Variants in CTNNA2 observed in about 807,000 individuals in gnomAD.
CTNNA2 encodes catenin alpha-2.
Under a neutral mutation model 101.0 loss-of-function variants are expected in CTNNA2, and 42 were observed. The observed-to-expected ratio is 0.42, with a 90% CI of 0.32 to 0.54. CTNNA2 has a LOEUF of 0.54. Ranked by LOEUF, CTNNA2 falls within the 20% of genes least tolerant of loss-of-function variation. The pLI, the probability that CTNNA2 is intolerant of heterozygous loss-of-function variation, is 0.14. For missense variants in CTNNA2, 871 were observed against 1,223.1 expected, an observed-to-expected ratio of 0.71 and a Z score of 4.29; for synonymous variants, 450 against 456.4, an observed-to-expected ratio of 0.99 and a Z score of 0.18.
chr2:80,380,157 C>T (rs1676371558), intron 7 of CTNNA2, among the ~76,000 whole-genome samples: 1 of 151,770 alleles, frequency 6.6e-6, no homozygotes, highest in South Asian at 2.1e-4. Flanking sequence ...CTGCCTCAGC[C>T]TCCTGAGTAG....
intron 3 of CTNNA2, among the ~76,000 whole-genome samples, chr2:79,339,197 T>C (rs1370452621): frequency 6.6e-6 from 1 of 152,002 alleles, no homozygotes; most frequent in African/African-American, 2.4e-5. Flanking sequence ...ATACAAAAAG[T>C]TGGCTAAGAA....
chr2:80,107,695 C>T (rs1700976392), intron 7 of CTNNA2, among the ~76,000 whole-genome samples: 1 of 152,208 alleles, frequency 6.6e-6, no homozygotes, highest in African/African-American at 2.4e-5. Flanking sequence ...GGCCGTCACC[C>T]CACCGGATGA....
intron 2 of CTNNA2, among the ~76,000 whole-genome samples, chr2:79,206,773 C>T (rs1674105547): frequency 6.6e-6 from 1 of 152,118 alleles, no homozygotes; most frequent in Admixed American, 6.6e-5. Flanking sequence ...TCTCTTTTAG[C>T]ATTCATCTCA....
At chr2:80,078,858 T>A (rs1185203107) in intron 7 of CTNNA2, among the ~76,000 whole-genome samples, 2 of 152,190 alleles carry the variant, frequency 1.3e-5, no homozygotes, top group Non-Finnish European at 2.9e-5. Context: ...TCCCTCCCTT[T>A]TATCTTGTCC....
intron 3 of CTNNA2, among the ~76,000 whole-genome samples, chr2:79,822,525 G>A (rs1196379398): frequency 1.3e-5 from 2 of 152,140 alleles, no homozygotes; most frequent in South Asian, 2.1e-4. Flanking sequence ...GATACAGGAA[G>A]CATCCTCCAC....
intron 2 of CTNNA2, among the ~76,000 whole-genome samples, chr2:79,284,592 G>C (rs1573027799): frequency 2.0e-5 from 3 of 149,782 alleles, no homozygotes; most frequent in South Asian, 4.2e-4. Flanking sequence ...AACCAGCCTT[G>C]CATCCCAGGG....
chr2:79,523,706 A>G (rs965283345), intron 1 of CTNNA2, among the ~76,000 whole-genome samples: 1 of 152,184 alleles, frequency 6.6e-6, no homozygotes, highest in African/African-American at 2.4e-5. Context: ...CCTTCCACCA[A>G]CAATATGAAA....
rs145632599 is a variant in CTNNA2, at chr2:79,486,601, G to T, written c.-134-18453G>T. ...TTGGGTATATACCCAGTAATGGGAT[G>T]GCTGGGTCAAATGCTATTTCTAGTT... is the stretch of plus-strand genomic sequence containing the variant. On this transcript the variant is annotated intron_variant, in intron 4 of 21. Transcript: ENST00000466387. 0.011 allele frequency among the ~76,000 whole-genome samples: 1,628 copies of T among 152,204 alleles called. 78 individuals carry two copies. The East Asian group carries it at 0.13, about 12-fold the overall frequency.
intron 8 of CTNNA2, among the ~76,000 whole-genome samples, chr2:80,417,957 G>T (rs1461498016): frequency 6.6e-6 from 1 of 152,036 alleles, no homozygotes; most frequent in African/African-American, 2.4e-5. Context: ...TTTTTGTGTG[G>T]TATTAACAAA....
At chr2:80,051,703 C>T (rs114831785) in intron 7 of CTNNA2, among the ~76,000 whole-genome samples, 1 of 151,980 alleles carries the variant, frequency 6.6e-6, no homozygotes, top group African/African-American at 2.4e-5. Context: ...TTTTCCCCCC[C>T]ACAGAGGCCA....
intron 2 of CTNNA2, among the ~76,000 whole-genome samples, chr2:79,690,690 G>T (rs1173228694): frequency 6.6e-6 from 1 of 151,964 alleles, no homozygotes; most frequent in African/African-American, 2.4e-5. Flanking sequence ...GAGAGTAAAG[G>T]ATTTGCCCAA....
At chr2:80,418,178 C>T (rs184547843) in intron 8 of CTNNA2, among the ~76,000 whole-genome samples, 2 of 152,238 alleles carry the variant, frequency 1.3e-5, no homozygotes, top group Non-Finnish European at 1.5e-5. Flanking sequence ...GACCTTCTTA[C>T]CCTAGGCGCT....
intron 7 of CTNNA2, among the ~76,000 whole-genome samples, chr2:79,991,713 AGT>A (rs1372615056): frequency 6.6e-6 from 1 of 152,192 alleles, no homozygotes; most frequent in African/African-American, 2.4e-5. Context: ...GCCCATGATC[AGT>A]GAGATGCACT....
intron 3 of CTNNA2, among the ~76,000 whole-genome samples, chr2:79,324,524 A>G (rs1676699093): frequency 6.6e-6 from 1 of 152,214 alleles, no homozygotes; most frequent in Non-Finnish European, 1.5e-5. Context: ...AAAACAGGCT[A>G]GTAAGTCAAG....
chr2:80,372,409 T>G (rs566263917), intron 7 of CTNNA2, among the ~76,000 whole-genome samples: 1 of 148,850 alleles, frequency 6.7e-6, no homozygotes, highest in Non-Finnish European at 1.5e-5. Context: ...TTAGCCCTCA[T>G]GTAGCAAAGG....
At chr2:80,234,963 A>T (rs946786806) in intron 7 of CTNNA2, among the ~76,000 whole-genome samples, 1 of 152,162 alleles carries the variant, frequency 6.6e-6, no homozygotes. Flanking sequence ...CTTACCAAAG[A>T]AAGGTGATTG....
intron 7 of CTNNA2, among the ~76,000 whole-genome samples, chr2:80,052,222 G>T (rs1208087558): frequency 6.6e-6 from 1 of 152,150 alleles, no homozygotes; most frequent in Non-Finnish European, 1.5e-5. Flanking sequence ...ATTACCTTGT[G>T]TATGAAACAA....
intron 7 of CTNNA2, among the ~76,000 whole-genome samples, chr2:80,274,612 C>A (rs529491175): frequency 6.6e-6 from 1 of 152,326 alleles, no homozygotes; most frequent in African/African-American, 2.4e-5. Flanking sequence ...TCTAGCTTCT[C>A]AATTAGCATT....
intron 7 of CTNNA2, among the ~76,000 whole-genome samples, chr2:79,990,587 T>C (rs1014376800): frequency 6.6e-6 from 1 of 152,160 alleles, no homozygotes; most frequent in East Asian, 1.9e-4. Flanking sequence ...TAAATAATAG[T>C]AAAGCATTTA....
Sources: allele counts gnomAD v4.1 joint callset (sites outside exome capture counted in the v4.1 genomes callset), GRCh38; gene constraint gnomAD v4.1.1; transcripts MANE v1.5; gene names NCBI Gene and HGNC (gene_info 2026-07-23, HGNC 2026-07-21).